Variants in RS1 observed in about 807,000 individuals in gnomAD.
RS1 encodes the protein retinoschisin.
In RS1, 2 loss-of-function variants were observed where a neutral mutation model predicts 20.8. The ratio of observed to expected loss-of-function variants is 0.10; its 90% CI spans 0.04 to 0.30. The LOEUF is 0.30. RS1 is among the 10% of genes least tolerant of loss of function. RS1 has a pLI of 1.00. For missense variants in RS1, 151 were observed against 189.8 expected, an observed-to-expected ratio of 0.80 and a Z score of 1.20; for synonymous variants, 70 against 75.8, an observed-to-expected ratio of 0.92 and a Z score of 0.40.
intron 1 of RS1, among the ~76,000 whole-genome samples, chrX:18,661,264 C>T (rs187447770): frequency 1.6e-3 from 182 of 111,349 alleles, no homozygotes; most frequent in African/African-American, 5.8e-3. Flanking sequence ...AGGAAAGGTC[C>T]CCTTGTCCCC....
At chrX:18,649,357 C>T (rs1432860691) in intron 3 of RS1, among the ~76,000 whole-genome samples, 1 of 111,734 alleles carries the variant, frequency 8.9e-6, no homozygotes, top group Admixed American at 9.5e-5. Flanking sequence ...ACCTCATTCT[C>T]CTAGTTTTCT....
rs181038435 is a variant in RS1 at position 18,651,990 on chromosome X, G to A, written c.185-4658C>T. 1.3e-4 allele frequency among the ~76,000 whole-genome samples: 14 copies of A among 108,920 alleles called. No homozygotes were observed. The East Asian group carries it at 2.3e-3, about 18-fold the overall frequency. The allele number at this position is 108,920 out of a possible 115,157, so 94.6% of individuals were successfully genotyped here. A position where few individuals can be genotyped will look rare whatever the true frequency, so the allele number is the denominator to read the frequency against. ...TGCCTCAGCCTTCAGATCTCTGCCC[G>A]CCCTGAGCTGGCTGAGGGGCCCCAG... On this transcript the variant is annotated intron_variant, in intron 3 of 5. Transcript: ENST00000379984.
At chrX:18,670,977 G>A (rs190284531) in intron 1 of RS1, among the ~76,000 whole-genome samples, 10 of 111,977 alleles carry the variant, frequency 8.9e-5, no homozygotes, top group African/African-American at 3.2e-4. Flanking sequence ...GGGAAACATG[G>A]TGAAAACCCC....
At chrX:18,665,883 C>CA (rs55857132) in intron 1 of RS1, among the ~76,000 whole-genome samples, 418 of 34,585 alleles carry the variant, frequency 0.012, 3 homozygotes, top group African/African-American at 0.023. Context: ...GACCCTGTCT[C>CA]AAAAAAAAAA....
At chrX:18,657,073 C>G (rs1229296119) in intron 2 of RS1, among the ~76,000 whole-genome samples, 1 of 110,337 alleles carries the variant, frequency 9.1e-6, no homozygotes, top group Non-Finnish European at 1.9e-5. Flanking sequence ...CTCTTCACAT[C>G]CCCTGGAAGT....
chrX:18,647,602 G>C (rs1191414957), intron 3 of RS1: 2 of 357,084 alleles, frequency 5.6e-6, no homozygotes, highest in Non-Finnish European at 9.8e-6. Context: ...AACTTCACAA[G>C]GGGTGTGTGG....
rs780757420 is a variant in RS1 at position 18,647,364 on chromosome X, A to G, written c.185-32T>C. 5 of 1,196,666 alleles carry G rather than the reference A, an allele frequency of 4.2e-6. No individual in the cohort carries two copies. In the South Asian group the frequency reaches 5.3e-5, roughly 13 times the overall value. ...AAGGAAAAAGAATTCACATTCACAC[A>G]TATCTCAATACTCAACAAGCACCAG... On this transcript the variant is annotated intron_variant, in intron 3 of 5. Coordinates refer to ENST00000379984, the MANE Select transcript of RS1 (RefSeq NM_000330.4).
intron 1 of RS1, 136 bp from the exon 2 acceptor site, chrX:18,657,801 G>A: frequency 1.9e-6 from 1 of 534,957 alleles, no homozygotes; most frequent in Non-Finnish European, 3.3e-6. Context: ...AAGTCATGGT[G>A]AGTAAATATC....
chrX:18,650,392 C>G (rs772632048), intron 3 of RS1: 1 of 1,208,141 alleles, frequency 8.3e-7, no homozygotes, highest in African/African-American at 1.7e-5. Flanking sequence ...ATTCCACTGC[C>G]CTCTGAATAT....
intron 2 of RS1, 42 bp downstream of exon 2, chrX:18,657,598 A>T (rs199995206): frequency 1.9e-6 from 2 of 1,080,421 alleles, no homozygotes; most frequent in African/African-American, 3.7e-5. Context: ...AATTTTCAAA[A>T]GTACTATGCA....
rs746069375 is a variant in RS1 at position 18,642,162 on chromosome X, GAGAT to G, written c.523-10_523-7del. 15 of 1,208,369 alleles carry G rather than the reference GAGAT, an allele frequency of 1.2e-5. No homozygotes were observed. Among genetic ancestry groups the G allele is most frequent in the Non-Finnish European group, 1.6e-5 (14 of 893,504 alleles). On this transcript the variant is annotated splice_region_variant and splice_polypyrimidine_tract_variant and intron_variant, in intron 5 of 5. Transcript: ENST00000379984. ...TCCGAGTTGCCATAGAAGACCTAGA[GAGAT>G]AGAGGAAATCCTGTCACCATCACAT... is the stretch of plus-strand genomic sequence containing the variant.
chrX:18,643,819 A>T (rs745711223), intron 5 of RS1, among the ~76,000 whole-genome samples: 1 of 107,902 alleles, frequency 9.3e-6, no homozygotes, highest in Non-Finnish European at 1.9e-5. Context: ...ATTCATTTTT[A>T]TTCATAGCAA....
At chrX:18,660,260 GTTTT>G (rs369339561) in intron 1 of RS1, among the ~76,000 whole-genome samples, 1 of 101,744 alleles carries the variant, frequency 9.8e-6, no homozygotes, top group African/African-American at 3.6e-5. Flanking sequence ...TCCCAGACTT[GTTTT>G]TTTTTTTTTC....
chrX:18,659,093 G>A (rs1928269466), intron 1 of RS1, among the ~76,000 whole-genome samples: 1 of 111,792 alleles, frequency 8.9e-6, no homozygotes, highest in Admixed American at 9.6e-5. Flanking sequence ...CAGGTAAAGA[G>A]TTTGCATATA....
At chrX:18,663,421 C>T (rs1407307922) in intron 1 of RS1, among the ~76,000 whole-genome samples, 1 of 103,595 alleles carries the variant, frequency 9.7e-6, no homozygotes, top group Non-Finnish European at 2.0e-5. Context: ...TAGCTCACTG[C>T]AGCCTTGAAC....
At chrX:18,653,792 A>AC (rs888485988) in intron 3 of RS1, among the ~76,000 whole-genome samples, 3 of 109,959 alleles carry the variant, frequency 2.7e-5, no homozygotes, top group Admixed American at 2.0e-4. Flanking sequence ...ACACGGTGAA[A>AC]CCCCGTCTCT....
intron 3 of RS1, among the ~76,000 whole-genome samples, chrX:18,651,957 G>GC (rs1475305187): frequency 1.8e-5 from 2 of 109,992 alleles, no homozygotes; most frequent in African/African-American, 6.6e-5. Context: ...CCTCCGCCTG[G>GC]CCCCCCATGC....
chrX:18,648,377 G>C (rs1158537068), intron 3 of RS1, among the ~76,000 whole-genome samples: 1 of 110,390 alleles, frequency 9.1e-6, no homozygotes, highest in Non-Finnish European at 1.9e-5. Flanking sequence ...GAGTAGCTGG[G>C]ACCACAGGTG....
chrX:18,665,286 C>T lies in RS1; in HGVS notation c.52+6731G>A, dbSNP rs977949032. ...GATGCCGCCACTCTCCTGCGCAAAACGCTTTGGCGGGTCCCTGTTGCCAGG... is the reference window on the plus strand; with the variant it reads ...GATGCCGCCACTCTCCTGCGCAAAATGCTTTGGCGGGTCCCTGTTGCCAGG... On this transcript the variant is annotated intron_variant, in intron 1 of 5. Coordinates refer to ENST00000379984, the MANE Select transcript of RS1 (RefSeq NM_000330.4). 1.2e-4 allele frequency among the ~76,000 whole-genome samples: 13 copies of T among 112,509 alleles called. No homozygotes were observed. In the East Asian group the frequency reaches 2.5e-3, roughly 22 times the overall value.
Sources: allele counts gnomAD v4.1 joint callset (sites outside exome capture counted in the v4.1 genomes callset), GRCh38; gene constraint gnomAD v4.1.1; transcripts MANE v1.5; gene names NCBI Gene and HGNC (gene_info 2026-07-23, HGNC 2026-07-21).